DEPDC1B: variants seen among roughly 807,000 people sequenced by gnomAD.
DEPDC1B encodes DEP domain containing 1B.
DEPDC1B carries 51 observed loss-of-function variants against 66.5 expected under a neutral mutation model. That is an observed-to-expected ratio of 0.77 (90% CI 0.61 to 0.97). The LOEUF (loss-of-function observed/expected upper bound fraction) is 0.97. DEPDC1B is among the 50% of genes least tolerant of loss of function. The pLI, the probability that DEPDC1B is intolerant of heterozygous loss-of-function variation, is 0.00. For synonymous variants in DEPDC1B, 226 were observed against 223.6 expected (o/e 1.01, Z -0.10); for missense variants, 552 against 637.1 (o/e 0.87, Z 1.44).
chr5:60,680,145 A>G (rs1382404544), intron 2 of DEPDC1B, among the ~76,000 whole-genome samples: 4 of 152,208 alleles, frequency 2.6e-5, no homozygotes, highest in Non-Finnish European at 5.9e-5. Flanking sequence ...TTAGAAGTTT[A>G]GGGTCATGAA....
chr5:60,667,160 C>G (rs1303525269), intron 2 of DEPDC1B, among the ~76,000 whole-genome samples: 21 of 152,026 alleles, frequency 1.4e-4, no homozygotes. Flanking sequence ...GAAAATATAT[C>G]TCTCTGACTT....
At position 60,599,129 on chromosome 5, in the gene DEPDC1B, T is replaced by C; in HGVS notation, c.1374A>G (p.Glu458=). The C allele has an allele frequency of 6.2e-7, 1 of 1,613,060 alleles. No individual in the cohort carries two copies. Residue 458 remains glutamate (E), a synonymous_variant, in exon 10 of 11, where the codon GAA becomes GAG. Coordinates refer to ENST00000265036, the MANE Select transcript of DEPDC1B (RefSeq NM_018369.3). ...TGGAGAGTTTGGCATCTGTTATGAC[T>C]TCCTCCAACAAGGCTGCCAGAGGTT... The part of the protein sequence containing the change: ...SQEPLAALLE[E]VITDAKLSNK...
intron 2 of DEPDC1B, among the ~76,000 whole-genome samples, chr5:60,679,028 A>C (rs1026843695): frequency 6.6e-6 from 1 of 152,250 alleles, no homozygotes; most frequent in African/African-American, 2.4e-5. Flanking sequence ...TTTTATATTT[A>C]AATCTATGAT....
chr5:60,614,761 CG>C (rs1196129353), intron 7 of DEPDC1B, among the ~76,000 whole-genome samples: 4 of 152,096 alleles, frequency 2.6e-5, no homozygotes, highest in Non-Finnish European at 5.9e-5. Context: ...GCAGCCAAGG[CG>C]GGTGGATCAC....
intron 1 of DEPDC1B, among the ~76,000 whole-genome samples, chr5:60,694,861 C>G (rs1048322845): frequency 6.6e-6 from 1 of 152,016 alleles, no homozygotes; most frequent in Non-Finnish European, 1.5e-5. Context: ...AATATTAAAC[C>G]TTTTTGTTAT....
At chr5:60,670,123 G>A (rs936534940) in intron 2 of DEPDC1B, among the ~76,000 whole-genome samples, 1 of 152,172 alleles carries the variant, frequency 6.6e-6, no homozygotes, top group East Asian at 1.9e-4. Flanking sequence ...AGTGGCTCAC[G>A]CCTGTAATCC....
At chr5:60,686,825 C>T (rs994311767) in intron 2 of DEPDC1B, 137 bp downstream of exon 2, 10 of 1,118,438 alleles carry the variant, frequency 8.9e-6, no homozygotes, top group Admixed American at 2.2e-5. Flanking sequence ...TTCAGTTCTC[C>T]ACTCAACAAA....
At chr5:60,657,870 T>C (rs1426830654) in intron 2 of DEPDC1B, among the ~76,000 whole-genome samples, 1 of 152,236 alleles carries the variant, frequency 6.6e-6, no homozygotes, top group Non-Finnish European at 1.5e-5. Context: ...TCCTTGATTA[T>C]TCCCTCAAAT....
chr5:60,655,734 AT>A (rs1561377675), intron 2 of DEPDC1B, among the ~76,000 whole-genome samples: 1 of 148,356 alleles, frequency 6.7e-6, no homozygotes, highest in African/African-American at 2.6e-5. Context: ...GCTCTTTCAG[AT>A]TTTTTTATGT....
chr5:60,603,922 CACT>C (rs1187697170), intron 8 of DEPDC1B, among the ~76,000 whole-genome samples: 1 of 151,508 alleles, frequency 6.6e-6, no homozygotes, highest in African/African-American at 2.4e-5. Context: ...AATCATGTAG[CACT>C]ACTAAGTTCA....
Position 60,700,147 on chromosome 5 carries a change from G to T in DEPDC1B, c.-54C>A. On this transcript the variant is annotated 5_prime_UTR_variant, in exon 1 of 11. Transcript: ENST00000265036. ...CGCCAGCGCTGATCCCCGCCAGCCG[G>T]AGGAGCAGCAGTTTGAATCCCAAGC... 14 of 1,521,550 alleles carry T rather than the reference G, an allele frequency of 9.2e-6. No homozygotes were observed. The highest frequency in any genetic ancestry group is 1.2e-5 in the Non-Finnish European group (14 of 1,138,882). 94.3% of individuals were successfully genotyped at this position (1,521,550 alleles called of 1,614,324 possible).
intron 2 of DEPDC1B, among the ~76,000 whole-genome samples, chr5:60,649,641 G>A (rs138301116): frequency 9.2e-5 from 14 of 152,186 alleles, no homozygotes; most frequent in African/African-American, 3.1e-4. Context: ...GCTCAAAAGA[G>A]GAAAGCAACT....
At chr5:60,675,351 C>T (rs138610082) in intron 2 of DEPDC1B, among the ~76,000 whole-genome samples, 221 of 152,274 alleles carry the variant, frequency 1.5e-3, no homozygotes, top group Middle Eastern at 6.8e-3. Context: ...TCATTCTTGA[C>T]CTTTGTGGGA....
chr5:60,684,569 C>T (rs576036892), intron 2 of DEPDC1B, among the ~76,000 whole-genome samples: 4 of 152,120 alleles, frequency 2.6e-5, no homozygotes, highest in Non-Finnish European at 5.9e-5. Context: ...ACCTCTATCT[C>T]TCACCATGTA....
intron 6 of DEPDC1B, among the ~76,000 whole-genome samples, chr5:60,639,763 G>A (rs1753144833): frequency 6.6e-6 from 1 of 152,170 alleles, no homozygotes; most frequent in African/African-American, 2.4e-5. Flanking sequence ...TGTACCTTGA[G>A]GAAAATAGCA....
chr5:60,662,605 A>T (rs371696279), intron 2 of DEPDC1B, among the ~76,000 whole-genome samples: 11 of 152,324 alleles, frequency 7.2e-5, no homozygotes, highest in African/African-American at 2.6e-4. Flanking sequence ...CGAATGCCTA[A>T]TAGGGCTTTC....
chr5:60,650,266 TAAAG>T (rs1753415001), intron 2 of DEPDC1B, among the ~76,000 whole-genome samples: 1 of 152,100 alleles, frequency 6.6e-6, no homozygotes, highest in African/African-American at 2.4e-5. Flanking sequence ...AAGACATTCT[TAAAG>T]AAGAAAAACA....
chr5:60,622,026 G>A (rs1053359187), intron 7 of DEPDC1B, among the ~76,000 whole-genome samples: 1 of 145,374 alleles, frequency 6.9e-6, no homozygotes, highest in Admixed American at 6.7e-5. Context: ...AAAACATGAT[G>A]CTTTAAAAAA....
rs1267228307 is a variant in DEPDC1B at position 60,700,145 on chromosome 5, C to T, written c.-52G>A. On this transcript the variant is annotated 5_prime_UTR_variant, in exon 1 of 11. Transcript: ENST00000265036. ...CGCGCCAGCGCTGATCCCCGCCAGCCGGAGGAGCAGCAGTTTGAATCCCAA... is the reference window on the plus strand; with the variant it reads ...CGCGCCAGCGCTGATCCCCGCCAGCTGGAGGAGCAGCAGTTTGAATCCCAA... 6.6e-7 allele frequency: 1 copy of T among 1,522,416 alleles called. No individual in the cohort carries two copies. Among genetic ancestry groups the T allele is most frequent in the Non-Finnish European group, 8.8e-7 (1 of 1,139,050 alleles). The allele number at this position is 1,522,416 out of a possible 1,614,324, so 94.3% of individuals were successfully genotyped here. A position where few individuals can be genotyped will look rare whatever the true frequency, so the allele number is the denominator to read the frequency against.
Sources: gnomAD v4.1 joint callset for allele counts (sites outside exome capture counted in the v4.1 genomes callset) on GRCh38, gnomAD v4.1.1 for gene constraint, MANE v1.5 for transcripts, NCBI Gene and HGNC (gene_info 2026-07-23, HGNC 2026-07-21) for gene names.